The following FYN variants were observed in gnomAD, a reference collection of about 807,000 sequenced individuals.
FYN encodes the protein tyrosine-protein kinase Fyn.
In FYN, 10 loss-of-function variants were observed where a neutral mutation model predicts 70.2. The ratio of observed to expected loss-of-function variants is 0.14; its 90% CI spans 0.09 to 0.24. The LOEUF (loss-of-function observed/expected upper bound fraction) is 0.24. Ranked by LOEUF, FYN falls within the 10% of genes least tolerant of loss-of-function variation. The pLI is 1.00. For missense variants in FYN, 319 were observed against 673.1 expected (o/e 0.47, Z 5.82); for synonymous variants, 236 against 248.6 (o/e 0.95, Z 0.48).
intron 2 of FYN, among the ~76,000 whole-genome samples, chr6:111,793,124 C>CAA (rs1771683898): frequency 6.6e-6 from 1 of 152,132 alleles, no homozygotes; most frequent in African/African-American, 2.4e-5. Context: ...AAAAGCACAG[C>CAA]AATTTAATTT....
intron 2 of FYN, among the ~76,000 whole-genome samples, chr6:111,846,376 A>C (rs1773528473): frequency 6.6e-6 from 1 of 152,182 alleles, no homozygotes; most frequent in African/African-American, 2.4e-5. Context: ...GTTACAACTA[A>C]GGGAAGGGAG....
chr6:111,811,342 T>C (rs73527790), intron 2 of FYN, among the ~76,000 whole-genome samples: 5,523 of 152,306 alleles, frequency 0.036, 235 homozygotes, highest in African/African-American at 0.11. Flanking sequence ...TAATGGGTAG[T>C]AGCAGGCTGT....
At chr6:111,736,846 T>C (rs1200832513) in intron 3 of FYN, among the ~76,000 whole-genome samples, 2 of 152,204 alleles carry the variant, frequency 1.3e-5, no homozygotes, top group Non-Finnish European at 2.9e-5. Context: ...AGACTTGTAT[T>C]TTCTATATAG....
chr6:111,735,782 T>A (rs2128474756), intron 3 of FYN, among the ~76,000 whole-genome samples: 1 of 152,340 alleles, frequency 6.6e-6, no homozygotes, highest in East Asian at 1.9e-4. Context: ...GCTACCTGTC[T>A]ATTCATAATT....
chr6:111,705,168 A>G (rs764591404), intron 6 of FYN, among the ~76,000 whole-genome samples: 2 of 152,232 alleles, frequency 1.3e-5, no homozygotes, highest in Non-Finnish European at 2.9e-5. Context: ...ATATGAAGAT[A>G]ATCAAGCATT....
intron 3 of FYN, among the ~76,000 whole-genome samples, chr6:111,743,515 C>A (rs1802076531): frequency 6.6e-6 from 1 of 152,172 alleles, no homozygotes; most frequent in African/African-American, 2.4e-5. Context: ...GTGATCAGTC[C>A]CTTCCTGTGT....
intron 12 of FYN, among the ~76,000 whole-genome samples, chr6:111,679,149 T>C (rs1217347127): frequency 6.6e-6 from 1 of 152,222 alleles, no homozygotes; most frequent in East Asian, 1.9e-4. Flanking sequence ...GCCAAGCTCC[T>C]ACCTGCTTCA....
chr6:111,816,491 A>G (rs1170800008), intron 2 of FYN, among the ~76,000 whole-genome samples: 4 of 152,234 alleles, frequency 2.6e-5, no homozygotes, highest in Non-Finnish European at 5.9e-5. Context: ...CTTCCTTTTT[A>G]AGAGAAATAA....
rs541250455 is a variant in FYN at position 111,822,180 on chromosome 6, T to C, written c.-82+24409A>G. ...ATGCTGCTATAAAGACACATGCACA[T>C]GTATGTTTATTGTGGCACTATTCAC... is the stretch of plus-strand genomic sequence containing the variant. On this transcript the variant is annotated intron_variant, in intron 2 of 13. Coordinates refer to ENST00000354650, the MANE Select transcript of FYN (RefSeq NM_002037.5). 4.4e-4 allele frequency among the ~76,000 whole-genome samples: 67 copies of C among 152,284 alleles called. 1 individual carries two copies. The highest frequency in any genetic ancestry group is 1.6e-3 in the African/African-American group (67 of 41,550).
At position 111,695,186 on chromosome 6, in the gene FYN, A is replaced by ACCC. The variant is rs1799520558; in HGVS notation, c.1043-483_1043-482insGGG. 2.0e-5 allele frequency among the ~76,000 whole-genome samples: 3 copies of ACCC among 152,348 alleles called. No homozygotes were observed. In the South Asian group the frequency reaches 6.2e-4, roughly 32 times the overall value. On this transcript the variant is annotated intron_variant, in intron 10 of 13. Transcript: ENST00000354650. ...TCCCATCCCAGATCGAGTAAATCAG[A>ACCC]AACTTTGAAGGTTGGGTCCAGAAAC...
intron 9 of FYN, 76 bp downstream of exon 9, chr6:111,700,028 T>C: frequency 7.2e-7 from 1 of 1,382,868 alleles, no homozygotes; most frequent in East Asian, 2.3e-5. Context: ...CAGTCTTTAT[T>C]TTCACCTTCC....
chr6:111,698,625 G>C (rs1799685011), intron 9 of FYN, among the ~76,000 whole-genome samples: 1 of 152,186 alleles, frequency 6.6e-6, no homozygotes, highest in African/African-American at 2.4e-5. Flanking sequence ...AAGCAAAGCT[G>C]TAACTGACCC....
chr6:111,820,474 A>G (rs1474176199), intron 2 of FYN, among the ~76,000 whole-genome samples: 1 of 151,894 alleles, frequency 6.6e-6, no homozygotes, highest in East Asian at 2.0e-4. Context: ...TATTACTATT[A>G]GGAAATAACC....
chr6:111,775,557 C>T (rs763152509), intron 3 of FYN, among the ~76,000 whole-genome samples: 3 of 152,256 alleles, frequency 2.0e-5, no homozygotes, highest in Admixed American at 1.3e-4. Context: ...ATGTAAGTGA[C>T]GCTTATGGAA....
intron 10 of FYN, among the ~76,000 whole-genome samples, chr6:111,695,461 G>T (rs1799531636): frequency 6.6e-6 from 1 of 152,172 alleles, no homozygotes; most frequent in South Asian, 2.1e-4. Context: ...CACCAAAGCA[G>T]GGATAATCAT....
chr6:111,831,557 C>T (rs1773017270), intron 2 of FYN, among the ~76,000 whole-genome samples: 1 of 152,170 alleles, frequency 6.6e-6, no homozygotes, highest in Non-Finnish European at 1.5e-5. Flanking sequence ...GAAGCTACTT[C>T]TAACAGTCGT....
intron 5 of FYN, among the ~76,000 whole-genome samples, chr6:111,710,479 G>A (rs1800318036): frequency 6.6e-6 from 1 of 152,142 alleles, no homozygotes; most frequent in Non-Finnish European, 1.5e-5. Context: ...TCATGAATCA[G>A]GAATTCATGA....
chr6:111,821,234 T>C (rs1211464657), intron 2 of FYN, among the ~76,000 whole-genome samples: 2 of 151,748 alleles, frequency 1.3e-5, no homozygotes, highest in Non-Finnish European at 2.9e-5. Flanking sequence ...CTTCAAACTA[T>C]ACTACAAGGC....
intron 1 of FYN, among the ~76,000 whole-genome samples, chr6:111,872,396 G>C (rs1363796423): frequency 6.7e-6 from 1 of 150,138 alleles, no homozygotes; most frequent in Non-Finnish European, 1.5e-5. Context: ...AGGGGAAAGG[G>C]GAAGGGTGGG....
Sources: allele counts gnomAD v4.1 joint callset (sites outside exome capture counted in the v4.1 genomes callset), GRCh38; gene constraint gnomAD v4.1.1; transcripts MANE v1.5; gene names NCBI Gene and HGNC (gene_info 2026-07-23, HGNC 2026-07-21).